PRKD2: variants seen among roughly 807,000 people sequenced by gnomAD.
PRKD2 encodes the protein protein kinase D2.
PRKD2 carries 22 observed loss-of-function variants against 86.0 expected under a neutral mutation model. That is an observed-to-expected ratio of 0.26 (90% CI 0.18 to 0.37). The LOEUF is 0.37. Among genes scored for constraint, PRKD2 ranks in the 10% least tolerant of loss-of-function variants. The probability of loss-of-function intolerance (pLI) is 1.00; values close to 1 mark genes in which losing one functional copy is unlikely to be tolerated. For synonymous variants in PRKD2, 509 were observed against 510.9 expected, an observed-to-expected ratio of 1.00 and a Z score of 0.05; for missense variants, 818 against 1,199.2, an observed-to-expected ratio of 0.68 and a Z score of 4.70.
rs1010247000 is a variant in PRKD2, at chr19:46,678,763, G to C, written c.2071-100C>G. The C allele has an allele frequency of 1.7e-5, 24 of 1,399,668 alleles. No homozygotes were observed. In the African/African-American group the frequency reaches 3.3e-4, roughly 19 times the overall value. 86.7% of individuals were successfully genotyped at this position (1,399,668 alleles called of 1,614,324 possible). A position where few individuals can be genotyped will look rare whatever the true frequency, so the allele number is the denominator to read the frequency against. Reference sequence around the variant, plus strand: ...CTCCATGGTATTCCAGAGAAAGCTGGATGCTGGTTTGAATCCAGGCTCCTT... The same window carrying C: ...CTCCATGGTATTCCAGAGAAAGCTGCATGCTGGTTTGAATCCAGGCTCCTT... On this transcript the variant is annotated intron_variant, in intron 15 of 17. Transcript: ENST00000291281. The surrounding 1 kb of genome is among the most constrained non-coding windows in gnomAD (Gnocchi z 5.7).
chr19:46,703,396 G>T (rs1010432401), intron 5 of PRKD2, among the ~76,000 whole-genome samples: 1 of 152,108 alleles, frequency 6.6e-6, no homozygotes, highest in Non-Finnish European at 1.5e-5. Context: ...GGAGGCCGAG[G>T]TAGGAGGATT....
intron 16 of PRKD2, among the ~76,000 whole-genome samples, chr19:46,676,053 C>T (rs1041577507): frequency 4.6e-5 from 7 of 152,198 alleles, no homozygotes; most frequent in African/African-American, 1.7e-4. Context: ...GCCACTGCGC[C>T]TGACCAACTT....
intron 16 of PRKD2, among the ~76,000 whole-genome samples, chr19:46,676,356 C>T (rs2053202181): frequency 6.6e-6 from 1 of 152,152 alleles, no homozygotes; most frequent in Non-Finnish European, 1.5e-5. Context: ...ACTCAGGAGG[C>T]AGAGGTTGCA....
chr19:46,716,398 G>A lies in PRKD2; in HGVS notation c.-28C>T. The A allele has an allele frequency of 1.5e-6, 2 of 1,368,350 alleles. No homozygotes were observed. The highest frequency in any genetic ancestry group is 3.4e-5 in the South Asian group (2 of 58,876). The allele number at this position is 1,368,350 out of a possible 1,614,324, so 84.8% of individuals were successfully genotyped here. A position where few individuals can be genotyped will look rare whatever the true frequency, so the allele number is the denominator to read the frequency against. On this transcript the variant is annotated 5_prime_UTR_variant, in exon 1 of 18. Coordinates refer to ENST00000291281, the MANE Select transcript of PRKD2 (RefSeq NM_016457.5). The surrounding 1 kb of genome is among the most constrained non-coding windows in gnomAD (Gnocchi z 7.9). ...GGGGAGGCCGGGGACCGGCCGCCTG[G>A]AGCCCACCCGGGACCCGGCCGGGGG...
rs774860722 is a variant in PRKD2 at position 46,697,246 on chromosome 19, T to C, written c.1240-12A>G. The C allele has an allele frequency of 1.8e-5, 29 of 1,569,352 alleles. No homozygotes were observed. The highest frequency in any genetic ancestry group is 2.3e-5 in the Non-Finnish European group (26 of 1,141,030). ...TAGTGCCGCTTTCTCTGCAGAGATG[T>C]TTGAAGAGTCACGTGAACCGCCAGA... On this transcript the variant is annotated splice_polypyrimidine_tract_variant and intron_variant, in intron 8 of 17. Transcript: ENST00000291281.
Position 46,682,104 on chromosome 19 carries a change from T to C in PRKD2, c.1972-356A>G, listed in dbSNP as rs1448902041. Reference sequence around the variant, plus strand: ...TCACTGCAACCTCTACCTCCAGGGCTCAAGTGAGTCTCCTGCCTCAGCCTC... The same window carrying C: ...TCACTGCAACCTCTACCTCCAGGGCCCAAGTGAGTCTCCTGCCTCAGCCTC... On this transcript the variant is annotated intron_variant, in intron 14 of 17. Coordinates refer to ENST00000291281, the MANE Select transcript of PRKD2 (RefSeq NM_016457.5). 3.9e-5 allele frequency among the ~76,000 whole-genome samples: 6 copies of C among 152,088 alleles called. No homozygotes were observed. In the East Asian group the frequency reaches 1.2e-3, roughly 29 times the overall value.
At chr19:46,701,541 C>T (rs1284784801) in intron 5 of PRKD2, among the ~76,000 whole-genome samples, 1 of 151,024 alleles carries the variant, frequency 6.6e-6, no homozygotes, top group African/African-American at 2.4e-5. Flanking sequence ...TTAGTAGAGA[C>T]GGGGTTTCGC....
rs1231557625 is a variant in PRKD2 at position 46,695,283 on chromosome 19, G to A, written c.1318-1150C>T. 4.6e-5 allele frequency among the ~76,000 whole-genome samples: 7 copies of A among 152,156 alleles called. 1 individual carries two copies. Among genetic ancestry groups the A allele is most frequent in the South Asian group, 4.1e-4 (2 of 4,834 alleles). On this transcript the variant is annotated intron_variant, in intron 9 of 17. Coordinates refer to ENST00000291281, the MANE Select transcript of PRKD2 (RefSeq NM_016457.5). ...AGGCGGATCACAAAGTCAGGAGTTC[G>A]AGACCCGCCTGACCAACATGGTGAA...
rs752867860 is a variant in PRKD2, at chr19:46,704,332, A to G, written c.726T>C (p.Ser242=). 3 of 1,614,236 alleles carry G rather than the reference A, an allele frequency of 1.9e-6. No individual in the cohort carries two copies. Among genetic ancestry groups the G allele is most frequent in the Non-Finnish European group, 2.5e-6 (3 of 1,180,040 alleles). The change falls in exon 5 of 18, where the codon TCT becomes TCC. Residue 242 remains serine (S), a synonymous_variant. Transcript: ENST00000291281. ...RRPPSSSSSS[S]ASSYTGRPIE... is the part of the protein sequence containing the mutation. ...TGGGGCGGCCCGTATACGATGAGGC[A>G]GAAGAGGAGGAAGAGGATGACGGGG...
At chr19:46,684,121 TC>T (rs2053359025) in intron 14 of PRKD2, among the ~76,000 whole-genome samples, 1 of 152,174 alleles carries the variant, frequency 6.6e-6, no homozygotes, top group Admixed American at 6.6e-5. Context: ...CTGATTGTTT[TC>T]TTTTTTAAAA....
At chr19:46,690,796 C>A (rs76735216) in intron 12 of PRKD2, 90 bp from the exon 13 acceptor site, 2 of 1,203,034 alleles carry the variant, frequency 1.7e-6, no homozygotes, top group East Asian at 2.4e-5. Context: ...CCTCTGCCCC[C>A]CACCATGGAG....
intron 2 of PRKD2, among the ~76,000 whole-genome samples, chr19:46,712,139 G>A (rs2053818564): frequency 6.6e-6 from 1 of 152,026 alleles, no homozygotes; most frequent in Admixed American, 6.6e-5. Context: ...GCCACCTCAG[G>A]AGGCTGAGGC....
chr19:46,697,260 T>G (rs1265506153), intron 8 of PRKD2, 26 bp from the exon 9 acceptor site: 8 of 1,530,512 alleles, frequency 5.2e-6, no homozygotes, highest in Admixed American at 5.1e-5. Flanking sequence ...AAGAGTCACG[T>G]GAACCGCCAG....
Position 46,716,047 on chromosome 19 carries a change from C to T in PRKD2, c.240+84G>A. ...GCTCAGGTCTCCTTCCTCCCTCTTC[C>T]GCACACCAGGCCCCAGACCCCTCTG... On this transcript the variant is annotated intron_variant, in intron 1 of 17. Transcript: ENST00000291281. This position sits in a 1 kb window ranked among gnomAD's most constrained non-coding sequence, Gnocchi z 7.9. 3 of 1,538,816 alleles carry T rather than the reference C, an allele frequency of 1.9e-6. No individual in the cohort carries two copies. The highest frequency in any genetic ancestry group is 2.6e-6 in the Non-Finnish European group (3 of 1,144,136).
Position 46,717,004 on chromosome 19 carries a change from T to G in PRKD2, c.-634A>C, listed in dbSNP as rs1193111757. The G allele has an allele frequency of 1.7e-5, 2 of 120,784 alleles. No homozygotes were observed. The highest frequency in any genetic ancestry group is 3.4e-5 in the Non-Finnish European group (2 of 58,628). The allele number at this position is 120,784 out of a possible 1,614,324, so 7.5% of individuals were successfully genotyped here. On this transcript the variant is annotated 5_prime_UTR_variant, in exon 1 of 18. Coordinates refer to ENST00000291281, the MANE Select transcript of PRKD2 (RefSeq NM_016457.5). ...TCGGGAGCCGTGAGGAAGGGGGCGT[T>G]GCCGGAGCGGGGTTGGGTGGGGGGC...
chr19:46,675,171 C>T (rs1391119938), intron 16 of PRKD2, 53 bp from the exon 17 acceptor site: 3 of 1,472,070 alleles, frequency 2.0e-6, no homozygotes, highest in Non-Finnish European at 1.9e-6. Context: ...GTCACTCCTC[C>T]TCCAATAGGC....
rs1195833515 is a variant in PRKD2, at chr19:46,678,719, G to A, written c.2071-56C>T. ...AGGTGATGGAGCCGCACCCACCCCA[G>A]CATCCCCACCACACCACCCTCCATG... On this transcript the variant is annotated intron_variant, in intron 15 of 17. Coordinates refer to ENST00000291281, the MANE Select transcript of PRKD2 (RefSeq NM_016457.5). The surrounding 1 kb of genome is among the most constrained non-coding windows in gnomAD (Gnocchi z 5.7). 8 of 1,544,826 alleles carry A rather than the reference G, an allele frequency of 5.2e-6. No homozygotes were observed. The highest frequency in any genetic ancestry group is 7.0e-6 in the Non-Finnish European group (8 of 1,143,556).
intron 9 of PRKD2, among the ~76,000 whole-genome samples, chr19:46,695,119 C>T (rs961096550): frequency 2.6e-5 from 4 of 151,974 alleles, no homozygotes; most frequent in Non-Finnish European, 5.9e-5. Context: ...ATCATTTGAG[C>T]CAGGGAGGCA....
chr19:46,705,341 C>T (rs973797912), intron 3 of PRKD2, among the ~76,000 whole-genome samples: 4 of 151,940 alleles, frequency 2.6e-5, no homozygotes, highest in African/African-American at 4.8e-5. Flanking sequence ...GGTTCCCCCT[C>T]TTTCCCCAAC....
Sources: allele counts gnomAD v4.1 joint callset (sites outside exome capture counted in the v4.1 genomes callset), GRCh38; gene constraint gnomAD v4.1.1; non-coding constraint Gnocchi (gnomAD v3.1); transcripts MANE v1.5; gene names NCBI Gene and HGNC (gene_info 2026-07-23, HGNC 2026-07-21).